The following TSPAN7 variants were observed in gnomAD, a reference collection of about 807,000 sequenced individuals.
The protein encoded by TSPAN7 is tetraspanin-7.
TSPAN7 carries 1 observed loss-of-function variant against 17.6 expected under a neutral mutation model. The ratio of observed to expected loss-of-function variants is 0.06; its 90% CI spans 0.02 to 0.27. TSPAN7 has a LOEUF of 0.27. TSPAN7 is among the 10% of genes least tolerant of loss of function. The probability of loss-of-function intolerance (pLI) is 1.00; values close to 1 mark genes in which losing one functional copy is unlikely to be tolerated. For missense variants in TSPAN7, 112 were observed against 201.7 expected, an observed-to-expected ratio of 0.56 and a Z score of 2.69; for synonymous variants, 78 against 79.0, an observed-to-expected ratio of 0.99 and a Z score of 0.07.
chrX:38,672,612 A>G (rs1003137932), intron 3 of TSPAN7, among the ~76,000 whole-genome samples: 2 of 111,542 alleles, frequency 1.8e-5, no homozygotes, highest in Admixed American at 9.5e-5. Context: ...TCGTGCATGT[A>G]TGAACACCAG....
At chrX:38,612,350 A>G (rs2069424023) in intron 1 of TSPAN7, 1 of 111,840 alleles carries the variant, frequency 8.9e-6, no homozygotes, top group African/African-American at 3.3e-5. Flanking sequence ...TGGTTCAGGC[A>G]GTGGAGAAGA....
intron 6 of TSPAN7, among the ~76,000 whole-genome samples, chrX:38,686,820 A>G (rs1255971127): frequency 8.9e-6 from 1 of 111,773 alleles, no homozygotes; most frequent in Admixed American, 9.4e-5. Context: ...CACTTGTGCC[A>G]CAGTTTAGAT....
chrX:38,679,771 A>G (rs2069877714), intron 5 of TSPAN7, among the ~76,000 whole-genome samples: 1 of 111,679 alleles, frequency 9.0e-6, no homozygotes, highest in Non-Finnish European at 1.9e-5. Context: ...TGTGTGATAT[A>G]TAGTCTCACT....
chrX:38,675,938 CAAAT>C (rs2069851158), intron 5 of TSPAN7, 78 bp downstream of exon 5: 2 of 1,092,849 alleles, frequency 1.8e-6, no homozygotes, highest in Non-Finnish European at 2.5e-6. Context: ...GAAATTATGA[CAAAT>C]AGATTTGAAA....
intron 1 of TSPAN7, among the ~76,000 whole-genome samples, chrX:38,662,903 C>A (rs1164384661): frequency 8.2e-5 from 9 of 109,977 alleles, no homozygotes; most frequent in African/African-American, 3.0e-4. Flanking sequence ...AAGGCTTAAC[C>A]TTGACTTGGT....
At chrX:38,626,403 A>G (rs2069523151) in intron 1 of TSPAN7, among the ~76,000 whole-genome samples, 1 of 111,967 alleles carries the variant, frequency 8.9e-6, no homozygotes. Flanking sequence ...ACTTGACATT[A>G]ATAGGAAGTG....
intron 1 of TSPAN7, chrX:38,563,057 G>A (rs372929587): frequency 9.8e-4 from 952 of 969,395 alleles, no homozygotes; most frequent in Middle Eastern, 2.1e-3. Context: ...AAGAAGCAGA[G>A]ATTTATTGAG....
intron 5 of TSPAN7, among the ~76,000 whole-genome samples, chrX:38,677,607 T>C (rs1328864185): frequency 8.9e-6 from 1 of 112,140 alleles, no homozygotes; most frequent in East Asian, 2.8e-4. Flanking sequence ...AATCCAACTT[T>C]ATATTTTCCT....
At chrX:38,682,216 G>C (rs1459531078) in intron 6 of TSPAN7, among the ~76,000 whole-genome samples, 1 of 111,451 alleles carries the variant, frequency 9.0e-6, no homozygotes, top group African/African-American at 3.3e-5. Flanking sequence ...TTAGGACCTG[G>C]TGTCTACAAC....
rs771853570 is a variant in TSPAN7 at position 38,618,628 on chromosome X, C to T, written c.82-47493C>T. Among the ~76,000 whole-genome samples the T allele has an allele frequency of 4.5e-5, 5 of 112,082 alleles. No individual in the cohort carries two copies. In the South Asian group the frequency reaches 1.9e-3, roughly 42 times the overall value. Reference sequence around the variant, plus strand: ...TGGCTTCTCAGACTATACCTCTAGTCGCTGAGCTACCTTGAGAGTGGTACC... The same window carrying T: ...TGGCTTCTCAGACTATACCTCTAGTTGCTGAGCTACCTTGAGAGTGGTACC... On this transcript the variant is annotated intron_variant, in intron 1 of 7. Coordinates refer to ENST00000378482, the MANE Select transcript of TSPAN7 (RefSeq NM_004615.4).
chrX:38,562,317 G>A (rs1185300875), intron 1 of TSPAN7, among the ~76,000 whole-genome samples: 1 of 111,674 alleles, frequency 9.0e-6, no homozygotes, highest in Non-Finnish European at 1.9e-5. Flanking sequence ...CCACCTCCCT[G>A]CATCCTTACA....
chrX:38,585,153 G>A (rs1237924306), intron 1 of TSPAN7, among the ~76,000 whole-genome samples: 1 of 111,568 alleles, frequency 9.0e-6, no homozygotes, highest in East Asian at 2.8e-4. Flanking sequence ...ATGCTGCTAC[G>A]AGCACTCTTT....
intron 1 of TSPAN7, among the ~76,000 whole-genome samples, chrX:38,651,693 C>T (rs1460749588): frequency 2.7e-5 from 3 of 111,536 alleles, no homozygotes; most frequent in Non-Finnish European, 3.8e-5. Flanking sequence ...GTTGTGTTGC[C>T]TCAGGGTCCA....
chrX:38,682,293 A>C (rs944791305), intron 6 of TSPAN7, among the ~76,000 whole-genome samples: 3 of 112,324 alleles, frequency 2.7e-5, no homozygotes, highest in Admixed American at 9.4e-5. Flanking sequence ...AGCCATCTGT[A>C]TCTCTGGCCC....
chrX:38,597,438 A>G (rs765976147), intron 1 of TSPAN7, among the ~76,000 whole-genome samples: 1 of 111,491 alleles, frequency 9.0e-6, no homozygotes, highest in South Asian at 3.7e-4. Context: ...GTTCCTAAGC[A>G]CAAGAAGCCT....
chrX:38,688,759 C>T lies in TSPAN7; in HGVS notation c.*828C>T, dbSNP rs2069939381. 8.9e-6 allele frequency: 1 copy of T among 112,447 alleles called. No individual in the cohort carries two copies. Among genetic ancestry groups the T allele is most frequent in the Non-Finnish European group, 1.9e-5 (1 of 53,264 alleles). 9.3% of individuals were successfully genotyped at this position (112,447 alleles called of 1,213,427 possible). On this transcript the variant is annotated 3_prime_UTR_variant, in exon 8 of 8. Transcript: ENST00000378482. ...CATTGACATTATAGACATTGAGGAC[C>T]TCATCCAAACAATTTAAAAATGAGT...
intron 1 of TSPAN7, among the ~76,000 whole-genome samples, chrX:38,660,470 A>T (rs777353913): frequency 4.5e-5 from 5 of 111,973 alleles, no homozygotes; most frequent in African/African-American, 1.3e-4. Flanking sequence ...CAGCTAAGAG[A>T]ATAGTTTGTC....
chrX:38,664,656 C>T (rs770462022), intron 1 of TSPAN7, among the ~76,000 whole-genome samples: 2 of 112,362 alleles, frequency 1.8e-5, no homozygotes, highest in East Asian at 5.6e-4. Context: ...CACTGCATCA[C>T]GATTGTTTAT....
chrX:38,565,796 C>T (rs1041545322), intron 1 of TSPAN7, among the ~76,000 whole-genome samples: 1 of 111,877 alleles, frequency 8.9e-6, no homozygotes, highest in Non-Finnish European at 1.9e-5. Context: ...ATCACACTCT[C>T]TCTCTGAGGT....
Sources: allele counts gnomAD v4.1 joint callset (sites outside exome capture counted in the v4.1 genomes callset), GRCh38; gene constraint gnomAD v4.1.1; transcripts MANE v1.5; gene names NCBI Gene and HGNC (gene_info 2026-07-23, HGNC 2026-07-21).